DLG2: variants seen among roughly 807,000 people sequenced by gnomAD.
DLG2 encodes discs large MAGUK scaffold protein 2, also known as disks large homolog 2.
In DLG2, 45 loss-of-function variants were observed where a neutral mutation model predicts 132.5. That is an observed-to-expected ratio of 0.34 (90% CI 0.27 to 0.44). The LOEUF (loss-of-function observed/expected upper bound fraction) is 0.44, where lower values mean the gene tolerates loss of function less well. Ranked by LOEUF, DLG2 falls within the 20% of genes least tolerant of loss-of-function variation. The probability of loss-of-function intolerance (pLI) is 1.00; values close to 1 mark genes in which losing one functional copy is unlikely to be tolerated. For missense variants in DLG2, 1,045 were observed against 1,196.9 expected, an observed-to-expected ratio of 0.87 and a Z score of 1.87; for synonymous variants, 424 against 419.6, an observed-to-expected ratio of 1.01 and a Z score of -0.13.
intron 4 of DLG2, among the ~76,000 whole-genome samples, chr11:85,279,066 T>C (rs1016226247): frequency 6.6e-6 from 1 of 152,204 alleles, no homozygotes; most frequent in Non-Finnish European, 1.5e-5. Context: ...TTTCCTCATC[T>C]TTATAACTGA....
intron 16 of DLG2, among the ~76,000 whole-genome samples, chr11:83,846,111 A>C (rs954083275): frequency 7.2e-5 from 11 of 152,234 alleles, no homozygotes; most frequent in African/African-American, 2.4e-4. Context: ...AGTCATATAG[A>C]ATGTACAATC....
intron 7 of DLG2, chr11:84,317,251 G>A: frequency 1.3e-6 from 2 of 1,504,830 alleles, no homozygotes; most frequent in Non-Finnish European, 1.8e-6. Flanking sequence ...TTCCACCGTG[G>A]ATTCCTCAGT....
chr11:84,159,330 A>G (rs2095496625), intron 9 of DLG2, among the ~76,000 whole-genome samples: 1 of 152,180 alleles, frequency 6.6e-6, no homozygotes, highest in Non-Finnish European at 1.5e-5. Context: ...ATAAAATGGG[A>G]AAAAAGAATG....
At chr11:85,088,184 G>GA (rs997572296) in intron 6 of DLG2, among the ~76,000 whole-genome samples, 3 of 151,858 alleles carry the variant, frequency 2.0e-5, no homozygotes, top group East Asian at 1.9e-4. Context: ...GAAGGTAAGG[G>GA]AAAAAAAGTC....
At chr11:85,515,257 C>T (rs73499129) in intron 3 of DLG2, among the ~76,000 whole-genome samples, 1,527 of 151,938 alleles carry the variant, frequency 0.01, 20 homozygotes, top group African/African-American at 0.034. Context: ...CTTGTTTATA[C>T]GACACAGTAA....
At chr11:83,918,249 G>A (rs2077251877) in intron 15 of DLG2, among the ~76,000 whole-genome samples, 1 of 152,108 alleles carries the variant, frequency 6.6e-6, no homozygotes, top group Non-Finnish European at 1.5e-5. Context: ...ATACGTATAG[G>A]TGAGAACTCA....
At chr11:84,830,370 GT>G (rs1367498436) in intron 6 of DLG2, among the ~76,000 whole-genome samples, 66 of 141,946 alleles carry the variant, frequency 4.6e-4, no homozygotes, top group East Asian at 1.4e-3. Flanking sequence ...CGTCATCTAC[GT>G]TTTTTTTTTT....
chr11:85,205,584 G>A (rs1332111939), intron 4 of DLG2, among the ~76,000 whole-genome samples: 2 of 152,156 alleles, frequency 1.3e-5, no homozygotes, highest in Non-Finnish European at 2.9e-5. Flanking sequence ...TTGGGGTGAT[G>A]GATAGCCCTG....
At chr11:84,413,093 G>A (rs948185550) in intron 7 of DLG2, among the ~76,000 whole-genome samples, 1 of 152,146 alleles carries the variant, frequency 6.6e-6, no homozygotes, top group African/African-American at 2.4e-5. Context: ...ATGAATGAAT[G>A]ACCTAGTTAG....
intron 18 of DLG2, among the ~76,000 whole-genome samples, chr11:83,692,609 A>G (rs2081179013): frequency 6.6e-6 from 1 of 152,222 alleles, no homozygotes; most frequent in African/African-American, 2.4e-5. Context: ...ACTGAATTGT[A>G]TATTTTAAAC....
intron 6 of DLG2, among the ~76,000 whole-genome samples, chr11:84,905,790 C>G (rs11234239): frequency 0.48 from 73,166 of 151,970 alleles, 18,011 homozygotes; most frequent in South Asian, 0.62. Context: ...GGTTTTTACT[C>G]CATCTCTTTC....
chr11:84,230,666 C>T (rs769295844), intron 8 of DLG2, among the ~76,000 whole-genome samples: 15 of 151,654 alleles, frequency 9.9e-5, no homozygotes, highest in African/African-American at 2.4e-4. Flanking sequence ...ATATGGAAAG[C>T]GGATGAATAA....
chr11:84,262,908 G>A (rs1214101073), intron 7 of DLG2, among the ~76,000 whole-genome samples: 1 of 152,050 alleles, frequency 6.6e-6, no homozygotes, highest in Non-Finnish European at 1.5e-5. Context: ...GAAACATAAA[G>A]TTTTGAGTCA....
At chr11:84,997,068 G>A (rs567497058) in intron 6 of DLG2, among the ~76,000 whole-genome samples, 5 of 152,166 alleles carry the variant, frequency 3.3e-5, no homozygotes, top group South Asian at 2.1e-4. Context: ...GGATGTAAAC[G>A]TCATTAATAA....
At chr11:83,898,438 T>C (rs2072413876) in intron 15 of DLG2, among the ~76,000 whole-genome samples, 1 of 152,092 alleles carries the variant, frequency 6.6e-6, no homozygotes, top group Non-Finnish European at 1.5e-5. Context: ...ACTCAGAAGA[T>C]AGAAAAGTCA....
At chr11:84,592,309 A>G (rs1201491547) in intron 6 of DLG2, among the ~76,000 whole-genome samples, 1 of 152,218 alleles carries the variant, frequency 6.6e-6, no homozygotes, top group Non-Finnish European at 1.5e-5. Flanking sequence ...ACTGAATTAA[A>G]GTATGAGCAA....
rs545722843 is a variant in DLG2, at chr11:83,819,029, G to A, written c.1722+14585C>T. ...CTAAGGAACACTTGCTTGCCTTTAT[G>A]TTAGAAACAGAAACAGTGTGATTTT... On this transcript the variant is annotated intron_variant, in intron 17 of 27. Coordinates refer to ENST00000376104, the MANE Select transcript of DLG2 (RefSeq NM_001142699.3). Among the ~76,000 whole-genome samples, 199 of 152,216 alleles carry A rather than the reference G, an allele frequency of 1.3e-3. 1 individual carries two copies. Among genetic ancestry groups the A allele is most frequent in the Non-Finnish European group, 1.5e-3 (104 of 68,000 alleles).
At chr11:84,552,630 T>G (rs2154524433) in intron 6 of DLG2, among the ~76,000 whole-genome samples, 1 of 152,324 alleles carries the variant, frequency 6.6e-6, no homozygotes, top group South Asian at 2.1e-4. Flanking sequence ...ATTTAATTGT[T>G]TACTTTTTAT....
At chr11:84,000,969 T>C (rs550340236) in intron 11 of DLG2, among the ~76,000 whole-genome samples, 1 of 151,816 alleles carries the variant, frequency 6.6e-6, no homozygotes, top group Non-Finnish European at 1.5e-5. Flanking sequence ...AGAACTCAAA[T>C]AGCATCATGA....
Sources: allele counts gnomAD v4.1 joint callset (sites outside exome capture counted in the v4.1 genomes callset), GRCh38; gene constraint gnomAD v4.1.1; transcripts MANE v1.5; gene names NCBI Gene and HGNC (gene_info 2026-07-23, HGNC 2026-07-21).